Variants in FSHR observed in about 807,000 individuals in gnomAD.
FSHR encodes the protein follicle-stimulating hormone receptor.
Under a neutral mutation model 52.1 loss-of-function variants are expected in FSHR, and 46 were observed. The ratio of observed to expected loss-of-function variants is 0.88; its 90% confidence interval spans 0.70 to 1.13. The LOEUF (loss-of-function observed/expected upper bound fraction) is 1.13. Among genes scored for constraint, FSHR ranks in the 50% most tolerant of loss-of-function variants. The pLI is 0.00. For missense variants in FSHR, 964 were observed against 834.6 expected, an observed-to-expected ratio of 1.16 and a Z score of -1.91; for synonymous variants, 399 against 309.6, an observed-to-expected ratio of 1.29 and a Z score of -3.03.
intron 1 of FSHR, among the ~76,000 whole-genome samples, chr2:49,095,153 C>T (rs1467341840): frequency 1.3e-5 from 2 of 152,000 alleles, no homozygotes; most frequent in African/African-American, 2.4e-5. Context: ...CAAAAATATG[C>T]AAGAAACCCA....
At position 48,963,446 on chromosome 2, in the gene FSHR, T is replaced by C. The variant is rs1337859485; in HGVS notation, c.1375A>G (p.Thr459Ala). ...TVFASELSVY[T>A]LTAITLERWH... ...CTTTCCAAGGTGATAGCTGTCAGAGTGTAGACTGACAGCTCACTGGCAAAG... is the reference window on the plus strand; with the variant it reads ...CTTTCCAAGGTGATAGCTGTCAGAGCGTAGACTGACAGCTCACTGGCAAAG... The change falls in exon 10 of 10, where the codon ACT (threonine) becomes GCT (alanine). Residue 459 changes from threonine (T) to alanine (A), a missense_variant. Transcript: ENST00000406846. 3 of 1,613,890 alleles carry C rather than the reference T, an allele frequency of 1.9e-6. No homozygotes were observed. Among genetic ancestry groups the C allele is most frequent in the Admixed American group, 1.7e-5 (1 of 59,980 alleles).
chr2:48,963,590 T>C lies in FSHR; in HGVS notation c.1231A>G (p.Ile411Val). The change falls in exon 10 of 10, where the codon ATT becomes GTT. Residue 411 changes from isoleucine (I) to valine (V), a missense_variant. Physicochemically the swap from Ile to Val is conservative, Grantham distance 29 (BLOSUM62 3). Coordinates refer to ENST00000406846, the MANE Select transcript of FSHR (RefSeq NM_000145.4). ...MCNLAFADLCIGIYLLLIASV... is the reference protein window; with the variant it reads ...MCNLAFADLCVGIYLLLIASV... The stretch of plus-strand genomic sequence containing the variant: ...GCAATGAGCAGCAGGTAGATTCCAA[T>C]GCAGAGATCAGCAAAGGCCAGGTTG... The C allele has an allele frequency of 6.2e-7, 1 of 1,614,198 alleles. No individual in the cohort carries two copies. Among genetic ancestry groups the C allele is most frequent in the Non-Finnish European group, 8.5e-7 (1 of 1,180,030 alleles).
chr2:48,993,833 C>G (rs1473926864), intron 4 of FSHR, among the ~76,000 whole-genome samples: 1 of 152,150 alleles, frequency 6.6e-6, no homozygotes, highest in Non-Finnish European at 1.5e-5. Flanking sequence ...CATTCTTCAC[C>G]TGGCGAACTT....
chr2:49,054,158 A>C (rs368526656), intron 2 of FSHR, among the ~76,000 whole-genome samples: 8 of 152,196 alleles, frequency 5.3e-5, no homozygotes, highest in African/African-American at 1.7e-4. Flanking sequence ...TATCTATAAC[A>C]TAGCACTAAT....
At chr2:49,115,301 T>G (rs1671560142) in intron 1 of FSHR, among the ~76,000 whole-genome samples, 1 of 151,982 alleles carries the variant, frequency 6.6e-6, no homozygotes, top group South Asian at 2.1e-4. Flanking sequence ...ATGTGAAACA[T>G]GTCCTTGTGA....
chr2:49,022,815 G>T (rs546237451), intron 2 of FSHR, among the ~76,000 whole-genome samples: 1 of 152,266 alleles, frequency 6.6e-6, no homozygotes, highest in African/African-American at 2.4e-5. Context: ...AAGCACAGAA[G>T]CTCTGCAGAA....
chr2:49,124,909 C>A (rs1270437756), intron 1 of FSHR, among the ~76,000 whole-genome samples: 5 of 152,336 alleles, frequency 3.3e-5, no homozygotes, highest in African/African-American at 9.6e-5. Context: ...TTACATGCAA[C>A]CTTCTCTGTT....
intron 2 of FSHR, among the ~76,000 whole-genome samples, chr2:49,063,202 C>G (rs1245200506): frequency 6.6e-6 from 1 of 152,068 alleles, no homozygotes; most frequent in African/African-American, 2.4e-5. Flanking sequence ...TGCCACTGTA[C>G]CCTGGCTTGA....
In FSHR at chr2:48,993,125, T is replaced by C. The variant is rs148727948; in HGVS notation, c.375-2488A>G. 3.1e-3 allele frequency among the ~76,000 whole-genome samples: 475 copies of C among 152,238 alleles called. 6 individuals are homozygous for C. The highest frequency in any genetic ancestry group is 0.011 in the African/African-American group (460 of 41,550). On this transcript the variant is annotated intron_variant, in intron 4 of 9. Coordinates refer to ENST00000406846, the MANE Select transcript of FSHR (RefSeq NM_000145.4). ...ATTTGTGCTCTGGGCCTTTTGCTTC[T>C]CTTTTCTATAGTCTCACTACATAGA...
At chr2:48,967,797 T>G (rs1674544733) in intron 9 of FSHR, among the ~76,000 whole-genome samples, 2 of 152,242 alleles carry the variant, frequency 1.3e-5, no homozygotes, top group East Asian at 3.8e-4. Flanking sequence ...TGTTAAAGGT[T>G]GAATAATGGA....
intron 9 of FSHR, among the ~76,000 whole-genome samples, chr2:48,966,710 T>A (rs753471129): frequency 2.6e-5 from 4 of 152,228 alleles, no homozygotes; most frequent in Non-Finnish European, 5.9e-5. Context: ...AACAATTATT[T>A]TGTGTTGTTT....
At chr2:49,120,143 T>G (rs1035578306) in intron 1 of FSHR, among the ~76,000 whole-genome samples, 2 of 152,124 alleles carry the variant, frequency 1.3e-5, no homozygotes, top group Non-Finnish European at 2.9e-5. Context: ...TGGTGGTGCC[T>G]GCCTGTAATC....
In FSHR at chr2:48,962,873, G is replaced by T. The variant is rs1430193436; in HGVS notation, c.1948C>A (p.Gln650Lys). The change falls in exon 10 of 10, where the codon CAA becomes AAA. Residue 650 changes from glutamine (Q) to lysine (K), a missense_variant. Physicochemically the swap from Gln to Lys is moderately conservative, Grantham distance 53. Coordinates refer to ENST00000406846, the MANE Select transcript of FSHR (RefSeq NM_000145.4). ...GTTTCTGTCCTATAAATTTGGGCTT[G>T]CATTTCATAGCAGCCACACTTGCTC... is the stretch of plus-strand genomic sequence containing the variant. Reference protein sequence around the residue: ...LLSKCGCYEMQAQIYRTETSS... With the variant: ...LLSKCGCYEMKAQIYRTETSS... The T allele has an allele frequency of 6.2e-7, 1 of 1,614,130 alleles. No homozygotes were observed. The highest frequency in any genetic ancestry group is 8.5e-7 in the Non-Finnish European group (1 of 1,180,008).
At chr2:49,122,483 C>T (rs1447119617) in intron 1 of FSHR, among the ~76,000 whole-genome samples, 1 of 152,154 alleles carries the variant, frequency 6.6e-6, no homozygotes, top group Non-Finnish European at 1.5e-5. Flanking sequence ...CTGATCACTT[C>T]TTCCTTGAAA....
At chr2:49,007,284 T>A (rs1023402541) in intron 4 of FSHR, among the ~76,000 whole-genome samples, 3 of 152,026 alleles carry the variant, frequency 2.0e-5, no homozygotes, top group Admixed American at 2.0e-4. Flanking sequence ...TATAACCAAG[T>A]ACTATAGACA....
chr2:49,127,902 T>TCTTCTTCTTCTTCTTCTTC (rs1476153675), intron 1 of FSHR, among the ~76,000 whole-genome samples: 3 of 132,686 alleles, frequency 2.3e-5, no homozygotes, highest in African/African-American at 9.2e-5. Flanking sequence ...CTTCTTCTTT[T>TCTTCTTCTTCTTCTTCTTC]TTTTTTTTGA....
rs1002401324 is a variant in FSHR at position 49,066,539 on chromosome 2, T to TA, written c.224+1679dup. Among the ~76,000 whole-genome samples, 124 of 152,108 alleles carry TA rather than the reference T, an allele frequency of 8.2e-4. 1 individual carries two copies. Among genetic ancestry groups the TA allele is most frequent in the African/African-American group, 2.7e-3 (113 of 41,516 alleles). ...TTGAAGCCTTATGGTATAAAAAGGG[T>TA]AAAAAAACAAGATCAATTTTATTTT... On this transcript the variant is annotated intron_variant, in intron 2 of 9. Transcript: ENST00000406846.
intron 6 of FSHR, among the ~76,000 whole-genome samples, chr2:48,986,204 C>A (rs1221091646): frequency 1.3e-5 from 2 of 152,078 alleles, no homozygotes; most frequent in South Asian, 2.1e-4. Flanking sequence ...TTAGCTCTTA[C>A]AAGAGTGAAC....
chr2:49,020,661 A>T (rs977907591), intron 2 of FSHR, among the ~76,000 whole-genome samples: 2 of 152,186 alleles, frequency 1.3e-5, no homozygotes, highest in African/African-American at 4.8e-5. Flanking sequence ...ATAAAACTTT[A>T]TTCATAAAAA....
Sources: allele counts gnomAD v4.1 joint callset (sites outside exome capture counted in the v4.1 genomes callset), GRCh38; gene constraint gnomAD v4.1.1; transcripts MANE v1.5; gene names NCBI Gene and HGNC (gene_info 2026-07-23, HGNC 2026-07-21).